The following KIF26B variants were observed in gnomAD, a reference collection of about 807,000 sequenced individuals.
KIF26B encodes the protein kinesin family member 26B.
A neutral mutation model predicts 151.2 loss-of-function variants in KIF26B; 63 were observed. That is an observed-to-expected ratio of 0.42 (90% CI 0.34 to 0.51). The LOEUF is 0.51. Among genes scored for constraint, KIF26B ranks in the 20% least tolerant of loss-of-function variants. The pLI, the probability that KIF26B is intolerant of heterozygous loss-of-function variation, is 0.07. For missense variants in KIF26B, 2,813 were observed against 2,913.6 expected (o/e 0.97, Z 0.79); for synonymous variants, 1,357 against 1,262.1 (o/e 1.08, Z -1.59).
At chr1:245,311,128 G>A (rs1422072816) in intron 2 of KIF26B, among the ~76,000 whole-genome samples, 3 of 152,140 alleles carry the variant, frequency 2.0e-5, no homozygotes, top group Non-Finnish European at 4.4e-5. Flanking sequence ...AAGCAAAAGC[G>A]GAAGAGAGAA....
intron 4 of KIF26B, among the ~76,000 whole-genome samples, chr1:245,459,458 T>G (rs574396923): frequency 1.3e-3 from 194 of 152,268 alleles, no homozygotes; most frequent in African/African-American, 4.3e-3. Context: ...GTTCCAGCTT[T>G]CCATGATCTT....
chr1:245,179,589 C>T (rs538682289), intron 2 of KIF26B, among the ~76,000 whole-genome samples: 13 of 152,310 alleles, frequency 8.5e-5, no homozygotes, highest in African/African-American at 2.9e-4. Context: ...CACGCCACTG[C>T]ACTCCAGCCT....
At chr1:245,612,713 C>G (rs989568415) in intron 9 of KIF26B, among the ~76,000 whole-genome samples, 1 of 152,116 alleles carries the variant, frequency 6.6e-6, no homozygotes, top group Non-Finnish European at 1.5e-5. Context: ...CTGTATGGAC[C>G]ATGTTTTTTA....
At chr1:245,229,761 A>T (rs1287578573) in intron 2 of KIF26B, among the ~76,000 whole-genome samples, 1 of 152,338 alleles carries the variant, frequency 6.6e-6, no homozygotes, top group Admixed American at 6.5e-5. Flanking sequence ...TGTCATCTGA[A>T]TCTTAATTTC....
chr1:245,270,278 CTTCTT>C (rs150439032), intron 2 of KIF26B, among the ~76,000 whole-genome samples: 13 of 60,440 alleles, frequency 2.2e-4, no homozygotes, highest in Admixed American at 3.7e-4. Context: ...CCTTCCTTTC[CTTCTT>C]TCCTTCCCTT....
chr1:245,669,848 G>C (rs1248506347), intron 10 of KIF26B, among the ~76,000 whole-genome samples: 1 of 152,150 alleles, frequency 6.6e-6, no homozygotes, highest in Non-Finnish European at 1.5e-5. Flanking sequence ...ATGGAAAGCA[G>C]GGGAGCTGGA....
chr1:245,160,506 T>C (rs938531135), intron 2 of KIF26B, among the ~76,000 whole-genome samples: 4 of 152,204 alleles, frequency 2.6e-5, no homozygotes, highest in African/African-American at 9.6e-5. Flanking sequence ...CATTCTGATA[T>C]CTGTGACAGA....
At chr1:245,186,032 G>A (rs561218062) in intron 2 of KIF26B, among the ~76,000 whole-genome samples, 436 of 151,820 alleles carry the variant, frequency 2.9e-3, no homozygotes, top group Non-Finnish European at 4.7e-3. Context: ...CCGCCACCAC[G>A]TCCAGCTAAT....
chr1:245,539,714 G>A (rs375321457), intron 4 of KIF26B, among the ~76,000 whole-genome samples: 52 of 152,276 alleles, frequency 3.4e-4, no homozygotes, highest in Non-Finnish European at 6.2e-4. Context: ...GAGCAGTGGC[G>A]CTATCTGGGC....
intron 2 of KIF26B, among the ~76,000 whole-genome samples, chr1:245,299,008 C>T (rs948446888): frequency 1.3e-5 from 2 of 152,166 alleles, no homozygotes; most frequent in Non-Finnish European, 2.9e-5. Context: ...ATGTTCTACA[C>T]GATCCAGGAG....
chr1:245,355,639 A>C (rs1226710110), intron 2 of KIF26B, among the ~76,000 whole-genome samples: 1 of 152,044 alleles, frequency 6.6e-6, no homozygotes, highest in Non-Finnish European at 1.5e-5. Context: ...GAATTTAAAA[A>C]ACTTACCAGC....
intron 2 of KIF26B, among the ~76,000 whole-genome samples, chr1:245,332,828 G>T (rs34497302): frequency 0.26 from 39,098 of 152,028 alleles, 7,501 homozygotes; most frequent in African/African-American, 0.52. Flanking sequence ...GCCTCTCCTC[G>T]GCACAGGGAC....
Position 245,445,877 on chromosome 1 carries a change from C to A in KIF26B, c.1166+26132C>A, listed in dbSNP as rs928264046. On this transcript the variant is annotated intron_variant, in intron 4 of 14. Transcript: ENST00000407071. ...CATAACAATTCCATTAGCATCCTTC[C>A]CTCCCTTATTTCTTGCAAAATTACT... Among the ~76,000 whole-genome samples, 5 of 152,308 alleles carry A rather than the reference C, an allele frequency of 3.3e-5. No individual in the cohort carries two copies. The South Asian group carries it at 1.0e-3, about 32-fold the overall frequency.
rs1434611993 is a variant in KIF26B at position 245,606,425 on chromosome 1, G to T, written c.1558-1226G>T. The stretch of plus-strand genomic sequence containing the variant: ...GGAGCTCCCACGAGCCCTGACTCCG[G>T]CCCCGAGACAGAAATGAAAGCAACA... On this transcript the variant is annotated intron_variant, in intron 6 of 14. Transcript: ENST00000407071. This position sits in a 1 kb window ranked among gnomAD's most constrained non-coding sequence, Gnocchi z 4.6. Among the ~76,000 whole-genome samples, 1 of 151,518 alleles carries T rather than the reference G, an allele frequency of 6.6e-6. No individual in the cohort carries two copies. The highest frequency in any genetic ancestry group is 1.5e-5 in the Non-Finnish European group (1 of 67,956).
chr1:245,184,050 G>GTTTGTTTTTTTTTTTTTTTTTTTTTTTTT (rs1668954964), intron 2 of KIF26B, among the ~76,000 whole-genome samples: 3 of 19,804 alleles, frequency 1.5e-4, no homozygotes, highest in African/African-American at 3.0e-4. Context: ...GGGAGTTGTT[G>GTTTGTTTTTTTTTTTTTTTTTTTTTTTTT]TTTTTTTTTT....
intron 2 of KIF26B, among the ~76,000 whole-genome samples, chr1:245,335,938 A>AG (rs1440108312): frequency 9.9e-6 from 1 of 101,198 alleles, no homozygotes; most frequent in African/African-American, 5.0e-5. Context: ...ATGCAGGGAA[A>AG]GAGGGTCCCA....
Position 245,570,681 on chromosome 1 carries a change from C to T in KIF26B, c.1350+29731C>T, listed in dbSNP as rs75330185. Among the ~76,000 whole-genome samples the T allele has an allele frequency of 6.1e-3, 932 of 152,318 alleles. 18 individuals are homozygous for T. Among genetic ancestry groups the T allele is most frequent in the East Asian group, 0.06 (311 of 5,170 alleles). On this transcript the variant is annotated intron_variant, in intron 5 of 14. Transcript: ENST00000407071. ...GTCCCTTACACCTTATTCTAATTCA[C>T]ACCAGCTCTTGGTGTTTGCTCTTCG...
At chr1:245,549,712 T>C (rs1661831559) in intron 5 of KIF26B, among the ~76,000 whole-genome samples, 1 of 152,110 alleles carries the variant, frequency 6.6e-6, no homozygotes, top group African/African-American at 2.4e-5. Flanking sequence ...AAATAGAAAA[T>C]ATTTGAATCC....
At chr1:245,392,297 G>A (rs1211705297) in intron 3 of KIF26B, among the ~76,000 whole-genome samples, 1 of 152,110 alleles carries the variant, frequency 6.6e-6, no homozygotes, top group Non-Finnish European at 1.5e-5. Context: ...GTTATGATTT[G>A]GGTTGGATCA....
Sources: allele counts gnomAD v4.1 joint callset (sites outside exome capture counted in the v4.1 genomes callset), GRCh38; gene constraint gnomAD v4.1.1; non-coding constraint Gnocchi (gnomAD v3.1); transcripts MANE v1.5; gene names NCBI Gene and HGNC (gene_info 2026-07-23, HGNC 2026-07-21).